Variants in RBFOX1 observed in about 807,000 individuals in gnomAD.
RBFOX1 encodes the protein RNA binding fox-1 homolog 1.
RBFOX1 carries 8 observed loss-of-function variants against 57.7 expected under a neutral mutation model. The observed-to-expected ratio is 0.14, with a 90% confidence interval of 0.08 to 0.25. The LOEUF (loss-of-function observed/expected upper bound fraction) is 0.25. Among genes scored for constraint, RBFOX1 ranks in the 10% least tolerant of loss-of-function variants. The pLI, the probability that RBFOX1 is intolerant of heterozygous loss-of-function variation, is 1.00. For synonymous variants in RBFOX1, 326 were observed against 222.4 expected, an observed-to-expected ratio of 1.47 and a Z score of -4.15; for missense variants, 611 against 548.5, an observed-to-expected ratio of 1.11 and a Z score of -1.14.
At chr16:7,371,513 G>A (rs948296145) in intron 4 of RBFOX1, among the ~76,000 whole-genome samples, 4 of 152,222 alleles carry the variant, frequency 2.6e-5, no homozygotes, top group Non-Finnish European at 5.9e-5. Context: ...ACTCTGGGAG[G>A]ATGAGGCAGG....
chr16:6,760,887 C>G (rs4786931), intron 3 of RBFOX1, among the ~76,000 whole-genome samples: 7,301 of 152,188 alleles, frequency 0.048, 250 homozygotes, highest in Middle Eastern at 0.085. Context: ...CAGAATTGGA[C>G]TCTAATGGAT....
chr16:5,371,060 G>A (rs1464358034), intron 1 of RBFOX1, among the ~76,000 whole-genome samples: 3 of 152,196 alleles, frequency 2.0e-5, no homozygotes, highest in African/African-American at 7.2e-5. Context: ...CGATTCTCCT[G>A]CCTTAGCCTC....
intron 10 of RBFOX1, among the ~76,000 whole-genome samples, chr16:7,619,571 C>G (rs2058990781): frequency 6.6e-6 from 1 of 152,086 alleles, no homozygotes; most frequent in Non-Finnish European, 1.5e-5. Context: ...AGAGTCCCTC[C>G]TAAATAGTTC....
intron 1 of RBFOX1, among the ~76,000 whole-genome samples, chr16:6,182,439 G>A (rs1361350459): frequency 4.6e-5 from 7 of 152,190 alleles, no homozygotes; most frequent in South Asian, 2.1e-4. Context: ...ACAGATGTAC[G>A]TTTATATAAT....
intron 3 of RBFOX1, among the ~76,000 whole-genome samples, chr16:6,721,411 C>G (rs1358394226): frequency 1.3e-5 from 2 of 152,202 alleles, no homozygotes; most frequent in Non-Finnish European, 2.9e-5. Flanking sequence ...CCACTGCACT[C>G]CAGCCTGGGG....
At chr16:7,037,425 C>A (rs933636101) in intron 3 of RBFOX1, among the ~76,000 whole-genome samples, 2 of 151,840 alleles carry the variant, frequency 1.3e-5, no homozygotes, top group Admixed American at 6.6e-5. Context: ...TCATTTTACC[C>A]AGCCCCTATT....
At chr16:6,888,268 G>T (rs147297942) in intron 3 of RBFOX1, among the ~76,000 whole-genome samples, 1 of 152,086 alleles carries the variant, frequency 6.6e-6, no homozygotes, top group Non-Finnish European at 1.5e-5. Context: ...AATGCTTTAT[G>T]GGTTTGTGTT....
In RBFOX1 at chr16:5,278,729, G is replaced by A. The variant is rs575439812; in HGVS notation, c.219+38624G>A. ...GTAGTTTTATAGTTGTGGCTGTTACGTTTAAGTCTTTAATCAATTTTGAGT... is the reference window on the plus strand; with the variant it reads ...GTAGTTTTATAGTTGTGGCTGTTACATTTAAGTCTTTAATCAATTTTGAGT... On this transcript the variant is annotated intron_variant, in intron 1 of 2. Transcript: ENST00000585867. 1.3e-3 allele frequency among the ~76,000 whole-genome samples: 191 copies of A among 152,260 alleles called. 1 individual carries two copies. Among genetic ancestry groups the A allele is most frequent in the African/African-American group, 4.4e-3 (181 of 41,554 alleles).
chr16:6,113,637 A>G (rs2096468276), intron 1 of RBFOX1, among the ~76,000 whole-genome samples: 2 of 152,292 alleles, frequency 1.3e-5, no homozygotes, highest in South Asian at 4.1e-4. Flanking sequence ...CCTCACAGTG[A>G]AGGGCAAGAC....
chr16:6,616,524 A>C (rs1415591602), intron 2 of RBFOX1, among the ~76,000 whole-genome samples: 4 of 152,174 alleles, frequency 2.6e-5, no homozygotes, highest in Non-Finnish European at 5.9e-5. Context: ...AAAATACAAA[A>C]AATTAGCCAG....
rs533676687 is a variant in RBFOX1 at position 6,980,053 on chromosome 16, A to G, written c.-15-72004A>G. Among the ~76,000 whole-genome samples the G allele has an allele frequency of 6.6e-5, 10 of 152,260 alleles. 1 individual carries two copies. The East Asian group carries it at 1.5e-3, about 24-fold the overall frequency. On this transcript the variant is annotated intron_variant, in intron 3 of 15. Transcript: ENST00000550418. ...GTTAACGGTGGGGCTACAGAACTGGATATATAACCGCATGGCACCTTGACC... is the reference window on the plus strand; with the variant it reads ...GTTAACGGTGGGGCTACAGAACTGGGTATATAACCGCATGGCACCTTGACC...
chr16:6,563,345 C>G (rs913422706), intron 2 of RBFOX1, among the ~76,000 whole-genome samples: 1 of 152,152 alleles, frequency 6.6e-6, no homozygotes, highest in South Asian at 2.1e-4. Context: ...CATTTCACAT[C>G]AATATTTCAT....
chr16:7,263,687 G>C (rs1603458761), intron 4 of RBFOX1, among the ~76,000 whole-genome samples: 1 of 152,052 alleles, frequency 6.6e-6, no homozygotes, highest in Non-Finnish European at 1.5e-5. Flanking sequence ...CATGAGGTCA[G>C]GAGTTCGAGA....
intron 4 of RBFOX1, among the ~76,000 whole-genome samples, chr16:7,362,677 A>G (rs985264238): frequency 3.3e-5 from 5 of 151,368 alleles, no homozygotes; most frequent in Non-Finnish European, 7.4e-5. Flanking sequence ...TAGTTTGCAT[A>G]TGTGTGTTAG....
intron 3 of RBFOX1, among the ~76,000 whole-genome samples, chr16:6,917,705 C>T (rs955760101): frequency 1.3e-5 from 2 of 152,188 alleles, no homozygotes; most frequent in African/African-American, 4.8e-5. Context: ...GTAGACTCTT[C>T]CCCTTTGCTT....
At chr16:6,492,641 CTG>C (rs1267557821) in intron 2 of RBFOX1, among the ~76,000 whole-genome samples, 6 of 152,174 alleles carry the variant, frequency 3.9e-5, no homozygotes, top group Non-Finnish European at 8.8e-5. Flanking sequence ...CCTCTGGAAT[CTG>C]TGTGATCGCT....
At chr16:7,548,458 G>C (rs567856063) in intron 5 of RBFOX1, among the ~76,000 whole-genome samples, 1 of 152,214 alleles carries the variant, frequency 6.6e-6, no homozygotes, top group South Asian at 2.1e-4. Flanking sequence ...GCCTGGCCTC[G>C]TATTAGTTGT....
intron 3 of RBFOX1, among the ~76,000 whole-genome samples, chr16:6,756,169 G>C (rs1381138558): frequency 6.6e-6 from 1 of 152,036 alleles, no homozygotes; most frequent in Non-Finnish European, 1.5e-5. Flanking sequence ...AATATATACT[G>C]TAGTACCATT....
At chr16:5,726,259 C>A (rs2052148004) in intron 3 of RBFOX1, among the ~76,000 whole-genome samples, 1 of 151,890 alleles carries the variant, frequency 6.6e-6, no homozygotes. Flanking sequence ...CTTTATGGGA[C>A]CGTTGTCTCC....
Sources: gnomAD v4.1 joint callset for allele counts (sites outside exome capture counted in the v4.1 genomes callset) on GRCh38, gnomAD v4.1.1 for gene constraint, MANE v1.5 for transcripts, NCBI Gene and HGNC (gene_info 2026-07-23, HGNC 2026-07-21) for gene names.